The following DYNC1I1 variants were observed in gnomAD, a reference collection of about 807,000 sequenced individuals.
The protein encoded by DYNC1I1 is cytoplasmic dynein 1 intermediate chain 1.
DYNC1I1 carries 43 observed loss-of-function variants against 86.6 expected under a neutral mutation model. The observed-to-expected ratio is 0.50, with a 90% CI of 0.39 to 0.64. The LOEUF (loss-of-function observed/expected upper bound fraction) is 0.64, where lower values mean the gene tolerates loss of function less well. Ranked by LOEUF, DYNC1I1 falls within the 30% of genes least tolerant of loss-of-function variation. The probability of loss-of-function intolerance (pLI) is 0.00; values close to 1 mark genes in which losing one functional copy is unlikely to be tolerated. For synonymous variants in DYNC1I1, 262 were observed against 283.7 expected, an observed-to-expected ratio of 0.92 and a Z score of 0.77; for missense variants, 604 against 788.8, an observed-to-expected ratio of 0.77 and a Z score of 2.81.
At chr7:96,021,780 G>C (rs572934910) in intron 10 of DYNC1I1, among the ~76,000 whole-genome samples, 26 of 152,200 alleles carry the variant, frequency 1.7e-4, no homozygotes, top group Admixed American at 1.2e-3. Context: ...CCTTTTATGA[G>C]CTGTTTCAGT....
At chr7:96,056,123 C>T (rs1789570899) in intron 14 of DYNC1I1, 1 of 152,156 alleles carries the variant, frequency 6.6e-6, no homozygotes. Flanking sequence ...TTGGCTTCCA[C>T]CCACCTATGG....
At chr7:95,959,410 A>G (rs1792803665) in intron 6 of DYNC1I1, among the ~76,000 whole-genome samples, 1 of 152,236 alleles carries the variant, frequency 6.6e-6, no homozygotes, top group Non-Finnish European at 1.5e-5. Context: ...AGGCCATGTC[A>G]GTAGGTTAAG....
intron 6 of DYNC1I1, among the ~76,000 whole-genome samples, chr7:95,903,299 T>C (rs967926957): frequency 2.0e-5 from 3 of 152,190 alleles, no homozygotes; most frequent in Admixed American, 2.0e-4. Context: ...TTCTCCAAAG[T>C]GTTTTGTGCC....
chr7:95,949,984 T>C (rs1198722365), intron 6 of DYNC1I1, among the ~76,000 whole-genome samples: 2 of 152,166 alleles, frequency 1.3e-5, no homozygotes. Flanking sequence ...CTTTTTTTTT[T>C]TCTTGCAGTA....
At chr7:95,980,924 T>A (rs1793443446) in intron 7 of DYNC1I1, among the ~76,000 whole-genome samples, 1 of 152,208 alleles carries the variant, frequency 6.6e-6, no homozygotes, top group Admixed American at 6.5e-5. Flanking sequence ...GGTTTCTTGC[T>A]GCTGTTTATG....
chr7:95,803,882 A>T (rs148121367), intron 1 of DYNC1I1, among the ~76,000 whole-genome samples: 14 of 152,280 alleles, frequency 9.2e-5, no homozygotes, highest in Non-Finnish European at 1.8e-4. Context: ...GTCTTCTTCA[A>T]ACTGATTTTA....
At chr7:96,060,643 A>T (rs1235662028) in intron 14 of DYNC1I1, among the ~76,000 whole-genome samples, 1 of 152,144 alleles carries the variant, frequency 6.6e-6, no homozygotes, top group Non-Finnish European at 1.5e-5. Flanking sequence ...GATGACAATG[A>T]TGTGTCAGTG....
chr7:95,875,973 C>T (rs1274169815), intron 6 of DYNC1I1, among the ~76,000 whole-genome samples: 2 of 151,022 alleles, frequency 1.3e-5, no homozygotes, highest in African/African-American at 4.8e-5. Flanking sequence ...TCTTGGCATA[C>T]TGACTCTCGC....
In DYNC1I1 at chr7:96,080,445, T is replaced by G. The variant is rs781314687; in HGVS notation, c.1733T>G (p.Val578Gly). 1 of 1,614,180 alleles carries G rather than the reference T, an allele frequency of 6.2e-7. No individual in the cohort carries two copies. The highest frequency in any genetic ancestry group is 8.5e-7 in the Non-Finnish European group (1 of 1,180,016). ...GCCCAAGCTGGCAAAGAAGTTGCTG[T>G]TGGGGACTCGGAAGGCCGTATTTGG... ...RWAQAGKEVA[V>G]GDSEGRIWVY... is the part of the protein sequence containing the mutation. Residue 578 changes from valine to glycine, a missense_variant, in exon 16 of 17, where the codon GTT (valine) becomes GGT (glycine). By Grantham distance (109) the Val-to-Gly change is moderately radical. Coordinates refer to ENST00000447467, the MANE Select transcript of DYNC1I1 (RefSeq NM_001135556.2).
chr7:95,898,314 T>C (rs945987695), intron 6 of DYNC1I1, among the ~76,000 whole-genome samples: 1 of 152,218 alleles, frequency 6.6e-6, no homozygotes, highest in African/African-American at 2.4e-5. Context: ...GTCTCACCAT[T>C]GAATTTAGAT....
At chr7:96,048,997 C>A (rs934553924) in intron 14 of DYNC1I1, among the ~76,000 whole-genome samples, 2 of 152,132 alleles carry the variant, frequency 1.3e-5, no homozygotes, top group African/African-American at 4.8e-5. Context: ...CAGTGGCTCA[C>A]GCCTGTAGTC....
chr7:95,993,511 A>C (rs965555710), intron 9 of DYNC1I1, among the ~76,000 whole-genome samples: 3 of 152,192 alleles, frequency 2.0e-5, no homozygotes. Context: ...CTTCAGATGG[A>C]CAGTCTGGAG....
chr7:95,848,973 T>A (rs1789508932), intron 5 of DYNC1I1, among the ~76,000 whole-genome samples: 1 of 152,186 alleles, frequency 6.6e-6, no homozygotes, highest in Non-Finnish European at 1.5e-5. Flanking sequence ...ATTTCCCTGA[T>A]GATTAATGAT....
At chr7:95,899,721 T>C (rs1050927370) in intron 6 of DYNC1I1, among the ~76,000 whole-genome samples, 1 of 152,176 alleles carries the variant, frequency 6.6e-6, no homozygotes. Flanking sequence ...ACCACTTTCA[T>C]TCAATGTTTC....
chr7:95,796,371 G>A (rs1426936033), intron 1 of DYNC1I1, among the ~76,000 whole-genome samples: 9 of 151,920 alleles, frequency 5.9e-5, no homozygotes, highest in Admixed American at 1.3e-4. Flanking sequence ...GTGCAATGGC[G>A]CGATCTTGGT....
At chr7:95,869,770 CAG>C (rs1197609191) in intron 5 of DYNC1I1, 111 bp from the exon 6 acceptor site, 21 of 1,053,262 alleles carry the variant, frequency 2.0e-5, no homozygotes, top group Non-Finnish European at 2.7e-5. Context: ...CCCTTGCACT[CAG>C]AAGCTGAGGG....
chr7:95,882,413 C>A (rs1790478437), intron 6 of DYNC1I1, among the ~76,000 whole-genome samples: 1 of 152,134 alleles, frequency 6.6e-6, no homozygotes, highest in Admixed American at 6.5e-5. Context: ...AAGAGATGCA[C>A]CATATTTCTT....
intron 6 of DYNC1I1, among the ~76,000 whole-genome samples, chr7:95,955,055 C>T (rs1210603660): frequency 6.6e-6 from 1 of 151,762 alleles, no homozygotes; most frequent in African/African-American, 2.4e-5. Flanking sequence ...TATTAGTTAT[C>T]AGTCTATAGT....
At chr7:95,791,356 A>G (rs114378646) in intron 1 of DYNC1I1, among the ~76,000 whole-genome samples, 1 of 152,222 alleles carries the variant, frequency 6.6e-6, no homozygotes, top group Non-Finnish European at 1.5e-5. Flanking sequence ...TGCACAGAGA[A>G]TCTGGCTCCT....
Sources: gnomAD v4.1 joint callset for allele counts (sites outside exome capture counted in the v4.1 genomes callset) on GRCh38, gnomAD v4.1.1 for gene constraint, MANE v1.5 for transcripts, NCBI Gene and HGNC (gene_info 2026-07-23, HGNC 2026-07-21) for gene names.